The following AKAP19 variants were observed in gnomAD, a reference collection of about 807,000 sequenced individuals.
AKAP19 encodes A-kinase anchoring protein 19.
chr2:189,962,293 T>C, the AKAP19 span, among the ~76,000 whole-genome samples: 4 of 152,202 alleles, frequency 2.6e-5, no homozygotes, highest in South Asian at 2.1e-4. Context: ...ATGCAGCTTA[T>C]ACCATCTAGG....
the AKAP19 span, among the ~76,000 whole-genome samples, chr2:189,977,501 A>C: frequency 0.016 from 2,432 of 152,328 alleles, 64 homozygotes; most frequent in African/African-American, 0.055. Context: ...ACAATTTCAA[A>C]TATTGAATGC....
the AKAP19 span, among the ~76,000 whole-genome samples, chr2:190,015,612 A>C: frequency 6.6e-6 from 1 of 152,152 alleles, no homozygotes; most frequent in Non-Finnish European, 1.5e-5. Context: ...ACTCATGCAA[A>C]TTTCTGCAGC....
the AKAP19 span, among the ~76,000 whole-genome samples, chr2:190,154,603 G>A: frequency 6.6e-6 from 1 of 152,156 alleles, no homozygotes; most frequent in East Asian, 1.9e-4. Flanking sequence ...TGCTCATACT[G>A]TTATCTTAAT....
At chr2:190,147,410 A>G in the AKAP19 span, among the ~76,000 whole-genome samples, 1 of 152,102 alleles carries the variant, frequency 6.6e-6, no homozygotes, top group Non-Finnish European at 1.5e-5. Context: ...ATGGCCTTAT[A>G]GTATAGTTTG....
At chr2:189,958,727 A>G in the AKAP19 span, among the ~76,000 whole-genome samples, 3 of 151,938 alleles carry the variant, frequency 2.0e-5, no homozygotes, top group Non-Finnish European at 2.9e-5. Context: ...AGTAAAATGT[A>G]TAAATATATT....
At chr2:190,034,502 T>C in the AKAP19 span, among the ~76,000 whole-genome samples, 1 of 126,756 alleles carries the variant, frequency 7.9e-6, no homozygotes, top group Non-Finnish European at 1.6e-5. Flanking sequence ...ATTTAAGGGC[T>C]GTAAGCGGCA....
chr2:190,100,593 A>G, the AKAP19 span, among the ~76,000 whole-genome samples: 1 of 152,228 alleles, frequency 6.6e-6, no homozygotes, highest in Non-Finnish European at 1.5e-5. Context: ...AAAAAGTAGA[A>G]TAACCTGACA....
the AKAP19 span, among the ~76,000 whole-genome samples, chr2:190,107,728 C>T: frequency 6.6e-6 from 1 of 152,130 alleles, no homozygotes; most frequent in Non-Finnish European, 1.5e-5. Context: ...CATCCAGTAA[C>T]ATTTATTGGT....
At chr2:190,118,581 G>A in the AKAP19 span, among the ~76,000 whole-genome samples, 5 of 152,062 alleles carry the variant, frequency 3.3e-5, no homozygotes, top group African/African-American at 9.7e-5. Context: ...ATCAATAAAC[G>A]TAATCCAGCA....
At chr2:190,015,808 G>C in the AKAP19 span, among the ~76,000 whole-genome samples, 1 of 152,152 alleles carries the variant, frequency 6.6e-6, no homozygotes, top group Non-Finnish European at 1.5e-5. Context: ...ATGCTTTGCT[G>C]CTTAGAAGTT....
chr2:190,106,627 T>A, the AKAP19 span, among the ~76,000 whole-genome samples: 2 of 152,162 alleles, frequency 1.3e-5, no homozygotes, highest in African/African-American at 4.8e-5. Flanking sequence ...CCTTTATCTC[T>A]TTGATAGAGA....
the AKAP19 span, among the ~76,000 whole-genome samples, chr2:189,931,922 C>G: frequency 6.6e-6 from 1 of 152,168 alleles, no homozygotes; most frequent in Non-Finnish European, 1.5e-5. Context: ...CAGCCCGATA[C>G]AATATTATTA....
At chr2:190,181,068 C>T in the AKAP19 span, 2 of 985,484 alleles carry the variant, frequency 2.0e-6, no homozygotes, top group Non-Finnish European at 2.4e-6. Flanking sequence ...CCACGGCTGT[C>T]CGGACGTGCC....
the AKAP19 span, among the ~76,000 whole-genome samples, chr2:190,120,530 A>G: frequency 6.6e-6 from 1 of 152,242 alleles, no homozygotes. Flanking sequence ...CACGGGCTCT[A>G]TATTGTGTTA....
At chr2:189,923,976 A>C in the AKAP19 span, 1 of 1,604,558 alleles carries the variant, frequency 6.2e-7, no homozygotes, top group Non-Finnish European at 8.5e-7. Flanking sequence ...CAAGCAGTAG[A>C]GATGAACAAT....
At chr2:190,060,135 A>G in the AKAP19 span, 3,543 of 1,612,950 alleles carry the variant, frequency 2.2e-3, 8 homozygotes, top group Non-Finnish European at 2.3e-3. Context: ...TTTTATTTCA[A>G]TGCCTAAGTT....
the AKAP19 span, among the ~76,000 whole-genome samples, chr2:189,939,384 T>C: frequency 1.3e-5 from 2 of 152,230 alleles, no homozygotes; most frequent in South Asian, 4.1e-4. Flanking sequence ...AGGTACCATT[T>C]AGTGCCAAAA....
chr2:189,933,689 C>T, the AKAP19 span, among the ~76,000 whole-genome samples: 4 of 152,050 alleles, frequency 2.6e-5, no homozygotes, highest in African/African-American at 9.7e-5. Context: ...TGGGAGAATA[C>T]CCAACATTTT....
the AKAP19 span, among the ~76,000 whole-genome samples, chr2:189,901,901 A>G: frequency 2.6e-5 from 4 of 152,162 alleles, no homozygotes; most frequent in Admixed American, 1.3e-4. Flanking sequence ...GATATAATAA[A>G]CTCATAATTT....
Sources: gnomAD v4.1 joint callset for allele counts (sites outside exome capture counted in the v4.1 genomes callset) on GRCh38, gnomAD v4.1.1 for gene constraint, MANE v1.5 for transcripts, NCBI Gene and HGNC (gene_info 2026-07-23, HGNC 2026-07-21) for gene names.